BBS9: variants seen among roughly 807,000 people sequenced by gnomAD.
BBS9 encodes the protein protein PTHB1.
In BBS9, 89 loss-of-function variants were observed where a neutral mutation model predicts 117.7. That is an observed-to-expected ratio of 0.76 (90% CI 0.64 to 0.90). The LOEUF is 0.90. BBS9 is among the 40% of genes least tolerant of loss of function. The pLI, the probability that BBS9 is intolerant of heterozygous loss-of-function variation, is 0.00. For missense variants in BBS9, 982 were observed against 1,042.2 expected (o/e 0.94, Z 0.80); for synonymous variants, 379 against 370.9 (o/e 1.02, Z -0.25).
chr7:33,470,847 A>AG (rs1341063474), intron 19 of BBS9, among the ~76,000 whole-genome samples: 1 of 152,130 alleles, frequency 6.6e-6, no homozygotes, highest in African/African-American at 2.4e-5. Context: ...ACACTCATTC[A>AG]GGGGGGTGTC....
chr7:33,619,702 G>A (rs1865312469), intron 21 of BBS9, among the ~76,000 whole-genome samples: 1 of 151,948 alleles, frequency 6.6e-6, no homozygotes, highest in Non-Finnish European at 1.5e-5. Context: ...CAGGAAAATT[G>A]GAAAATTCAC....
At chr7:33,411,119 A>G (rs1831071475) in intron 19 of BBS9, among the ~76,000 whole-genome samples, 1 of 151,672 alleles carries the variant, frequency 6.6e-6, no homozygotes, top group Non-Finnish European at 1.5e-5. Flanking sequence ...TTAGCCGGAA[A>G]GGATGCCTGG....
chr7:33,367,661 T>C (rs1377844251), intron 16 of BBS9, 106 bp from the exon 17 acceptor site: 2 of 854,192 alleles, frequency 2.3e-6, no homozygotes, highest in Non-Finnish European at 4.0e-6. Context: ...AGTTTATACA[T>C]GACTAGTGAC....
chr7:33,153,214 T>G (rs1357679817), intron 3 of BBS9, among the ~76,000 whole-genome samples: 1 of 152,236 alleles, frequency 6.6e-6, no homozygotes, highest in South Asian at 2.1e-4. Flanking sequence ...CATTACTTTT[T>G]GGTTCATAGC....
intron 5 of BBS9, among the ~76,000 whole-genome samples, chr7:33,206,111 C>T (rs1283908944): frequency 1.3e-5 from 2 of 152,172 alleles, no homozygotes; most frequent in Non-Finnish European, 2.9e-5. Flanking sequence ...GTCATCTGCG[C>T]ATTCATCAAA....
At chr7:33,296,823 T>G (rs1220123248) in intron 9 of BBS9, among the ~76,000 whole-genome samples, 1 of 152,142 alleles carries the variant, frequency 6.6e-6, no homozygotes, top group Non-Finnish European at 1.5e-5. Context: ...TGTGGTTTGT[T>G]TAGGATAGGA....
intron 19 of BBS9, among the ~76,000 whole-genome samples, chr7:33,450,188 T>G (rs1837593790): frequency 6.6e-6 from 1 of 152,262 alleles, no homozygotes; most frequent in South Asian, 2.1e-4. Context: ...TCGTCTATGC[T>G]GTATAACACA....
In BBS9 at chr7:33,623,587, T is replaced by TA. The variant is rs1352202648; in HGVS notation, c.2522-11582dup. The stretch of plus-strand genomic sequence containing the variant: ...TTGAGAATGCTCATAAAAGCATGAT[T>TA]AAAAAAAAGAAAAACCAAACCCCCA... On this transcript the variant is annotated intron_variant, in intron 21 of 21. Coordinates refer to the BBS9 transcript ENST00000671952. Among the ~76,000 whole-genome samples the TA allele has an allele frequency of 2.0e-4, 9 of 44,698 alleles. No individual in the cohort carries two copies. The East Asian group carries it at 4.7e-3, about 23-fold the overall frequency. 29.3% of individuals were successfully genotyped at this position (44,698 alleles called of 152,430 possible). A position where few individuals can be genotyped will look rare whatever the true frequency, so the allele number is the denominator to read the frequency against.
intron 5 of BBS9, among the ~76,000 whole-genome samples, chr7:33,245,350 C>T (rs894870632): frequency 1.3e-5 from 2 of 151,908 alleles, no homozygotes; most frequent in African/African-American, 4.8e-5. Flanking sequence ...CTTAGTGTTT[C>T]TAGTGTTAGG....
At position 33,234,212 on chromosome 7, in the gene BBS9, G is replaced by A. The variant is rs564738345; in HGVS notation, c.443-23024G>A. On this transcript the variant is annotated intron_variant, in intron 5 of 22. Coordinates refer to ENST00000242067, the MANE Select transcript of BBS9 (RefSeq NM_198428.3). Reference sequence around the variant, plus strand: ...ATAAATTAATCTTTATCATATGTATGTATGTATAGGAAAAAACAGTGTGTG... The same window carrying A: ...ATAAATTAATCTTTATCATATGTATATATGTATAGGAAAAAACAGTGTGTG... 1.0e-3 allele frequency among the ~76,000 whole-genome samples: 154 copies of A among 152,112 alleles called. 3 individuals are homozygous for A. The highest frequency in any genetic ancestry group is 6.8e-3 in the Middle Eastern group (2 of 294).
chr7:33,494,126 C>A (rs1844402568), intron 19 of BBS9, among the ~76,000 whole-genome samples: 1 of 152,090 alleles, frequency 6.6e-6, no homozygotes, highest in African/African-American at 2.4e-5. Context: ...CGATGGATCT[C>A]AACCCAGGGT....
At chr7:33,495,471 A>G (rs1458293088) in intron 19 of BBS9, among the ~76,000 whole-genome samples, 2 of 152,156 alleles carry the variant, frequency 1.3e-5, no homozygotes, top group African/African-American at 4.8e-5. Context: ...GACCTTGTAG[A>G]TGTTGTTTTT....
intron 19 of BBS9, among the ~76,000 whole-genome samples, chr7:33,406,874 C>G (rs7795007): frequency 0.068 from 10,325 of 152,148 alleles, 387 homozygotes; most frequent in African/African-American, 0.08. Flanking sequence ...AACATTTTTT[C>G]CTTCGTTTCA....
chr7:33,339,828 C>T (rs1816140058), intron 10 of BBS9, among the ~76,000 whole-genome samples: 1 of 152,030 alleles, frequency 6.6e-6, no homozygotes, highest in Non-Finnish European at 1.5e-5. Context: ...GGAAGGAAAT[C>T]ATGATGATTG....
intron 16 of BBS9, among the ~76,000 whole-genome samples, chr7:33,363,246 G>A (rs1356319366): frequency 6.6e-6 from 1 of 152,060 alleles, no homozygotes; most frequent in African/African-American, 2.4e-5. Flanking sequence ...GGGACTACAG[G>A]CACACGCCAC....
rs1180378776 is a variant in BBS9, at chr7:33,451,455, T to A, written c.2116-54008T>A. Among the ~76,000 whole-genome samples the A allele has an allele frequency of 2.6e-5, 4 of 152,230 alleles. No homozygotes were observed. The East Asian group carries it at 5.8e-4, about 22-fold the overall frequency. On this transcript the variant is annotated intron_variant, in intron 19 of 22. Transcript: ENST00000242067. ...AATATTATTTGTAGAAGAGACTATA[T>A]TTTCACCCACTATGTAGTCTTGGCA... is the stretch of plus-strand genomic sequence containing the variant.
intron 5 of BBS9, among the ~76,000 whole-genome samples, chr7:33,191,900 A>G (rs1784177876): frequency 1.3e-5 from 2 of 152,098 alleles, no homozygotes; most frequent in South Asian, 2.1e-4. Context: ...TACTTTTGTT[A>G]TAAAAGTAGT....
intron 21 of BBS9, among the ~76,000 whole-genome samples, chr7:33,624,425 G>A (rs1045032258): frequency 1.2e-4 from 18 of 152,140 alleles, no homozygotes; most frequent in African/African-American, 4.3e-4. Context: ...TAACTTCTGA[G>A]CTAACAATCC....
exon 22 of BBS9, among the ~76,000 whole-genome samples, chr7:33,635,428 C>T (rs1228380759): frequency 6.6e-6 from 1 of 152,196 alleles, no homozygotes; most frequent in Non-Finnish European, 1.5e-5. Context: ...CAAGGGGGTG[C>T]CAGGGAGAGG....
Sources: allele counts gnomAD v4.1 joint callset (sites outside exome capture counted in the v4.1 genomes callset), GRCh38; gene constraint gnomAD v4.1.1; transcripts MANE v1.5; gene names NCBI Gene and HGNC (gene_info 2026-07-23, HGNC 2026-07-21).